The following HS1BP3 variants were observed in gnomAD, a reference collection of about 807,000 sequenced individuals.
HS1BP3 encodes HCLS1 binding protein 3, also known as HCLS1-binding protein 3.
A neutral mutation model predicts 33.5 loss-of-function variants in HS1BP3; 32 were observed. The observed-to-expected ratio is 0.95, with a 90% CI of 0.72 to 1.28. The LOEUF is 1.28. Among genes scored for constraint, HS1BP3 ranks in the 50% most tolerant of loss-of-function variants. The pLI is 0.00. For missense variants in HS1BP3, 486 were observed against 502.3 expected (o/e 0.97, Z 0.31); for synonymous variants, 187 against 209.2 (o/e 0.89, Z 0.92).
rs530775030 is a variant in HS1BP3 at position 20,636,328 on chromosome 2, C to G, written c.623+2108G>C. ...GAACACACACGGCTCTGGCCAAGAT[C>G]CTGCTCAACTCCTTCCTCGATTTTA... is the stretch of plus-strand genomic sequence containing the variant. On this transcript the variant is annotated intron_variant, in intron 4 of 6. Transcript: ENST00000304031. The G allele has an allele frequency of 1.1e-4, 17 of 152,494 alleles. No individual in the cohort carries two copies. The East Asian group carries it at 3.3e-3, about 29-fold the overall frequency. The allele number at this position is 152,494 out of a possible 1,614,324, so 9.4% of individuals were successfully genotyped here.
At chr2:20,607,194 C>T (rs1370612971) in intron 2 of HS1BP3, among the ~76,000 whole-genome samples, 2 of 150,158 alleles carry the variant, frequency 1.3e-5, no homozygotes, top group Non-Finnish European at 3.0e-5. Flanking sequence ...CTTGCTCCAT[C>T]GCCCAGGCTG....
intron 5 of HS1BP3, among the ~76,000 whole-genome samples, chr2:20,562,284 GC>G (rs1366351037): frequency 1.3e-5 from 2 of 152,090 alleles, no homozygotes; most frequent in African/African-American, 2.4e-5. Context: ...TTTGACACCA[GC>G]CTGGGCAACA....
chr2:20,641,271 G>T, intron 2 of HS1BP3, 91 bp from the exon 3 acceptor site: 1 of 1,193,030 alleles, frequency 8.4e-7, no homozygotes, highest in Non-Finnish European at 1.2e-6. Context: ...AGGCCCAGCA[G>T]CCAAAGGAAG....
intron 4 of HS1BP3, chr2:20,637,035 C>CT (rs1695157917): frequency 2.7e-4 from 7 of 26,050 alleles, no homozygotes; most frequent in South Asian, 8.1e-4. Flanking sequence ...GCTGCCCCCG[C>CT]CCCCCCCGCC....
chr2:20,632,691 T>C (rs1411356309), intron 4 of HS1BP3, among the ~76,000 whole-genome samples: 1 of 152,182 alleles, frequency 6.6e-6, no homozygotes, highest in Non-Finnish European at 1.5e-5. Flanking sequence ...AAGTGTGACC[T>C]CCCAGATTTC....
rs145820216 is a variant in HS1BP3 at position 20,569,503 on chromosome 2, T to G, written c.303-8988A>C. The stretch of plus-strand genomic sequence containing the variant: ...GAGTTTTAGATGAACAACAAATTCT[T>G]ATTTTAGTCTAAGTATTTCCCAGGC... On this transcript the variant is annotated intron_variant, in intron 5 of 5. Coordinates refer to the HS1BP3 transcript ENST00000446825. Among the ~76,000 whole-genome samples the G allele has an allele frequency of 7.0e-3, 1,068 of 152,344 alleles. 4 individuals are homozygous for G. Among genetic ancestry groups the G allele is most frequent in the Middle Eastern group, 0.017 (5 of 294 alleles).
chr2:20,606,514 T>A, intron 2 of HS1BP3: 1 of 466,608 alleles, frequency 2.1e-6, no homozygotes, highest in South Asian at 1.7e-5. Flanking sequence ...CAAACAAAAC[T>A]AAGTTATTGG....
At chr2:20,557,512 C>A (rs991136780), downstream of HS1BP3, among the ~76,000 whole-genome samples, 3 of 152,104 alleles carry the variant, frequency 2.0e-5, no homozygotes, top group African/African-American at 7.2e-5. Flanking sequence ...AATCTCTGAC[C>A]CTGATGAACT....
At position 20,602,871 on chromosome 2, in the gene HS1BP3, G is replaced by A. The variant is rs573557190; in HGVS notation, c.179-4606C>T. 3.9e-5 allele frequency among the ~76,000 whole-genome samples: 6 copies of A among 152,198 alleles called. No homozygotes were observed. In the East Asian group the frequency reaches 5.8e-4, roughly 15 times the overall value. Reference sequence around the variant, plus strand: ...CGGGAATACATAAGAAGCTCTTTTCGAAAACTCAATAATAAAAAGACAACA... The same window carrying A: ...CGGGAATACATAAGAAGCTCTTTTCAAAAACTCAATAATAAAAAGACAACA... On this transcript the variant is annotated intron_variant, in intron 2 of 3. Coordinates refer to the HS1BP3 transcript ENST00000415264.
intron 5 of HS1BP3, among the ~76,000 whole-genome samples, chr2:20,566,689 C>T (rs947433091): frequency 1.3e-5 from 2 of 151,570 alleles, no homozygotes; most frequent in Admixed American, 6.6e-5. Context: ...TCACTGCAAA[C>T]CCTGCCTCCT....
intron 5 of HS1BP3, among the ~76,000 whole-genome samples, chr2:20,582,362 T>C (rs998163403): frequency 1.3e-5 from 2 of 151,728 alleles, no homozygotes; most frequent in Non-Finnish European, 2.9e-5. Flanking sequence ...GGGACTGGTC[T>C]ACCGGAGGTG....
At chr2:20,644,947 C>G (rs1295553750) in intron 2 of HS1BP3, among the ~76,000 whole-genome samples, 1 of 152,202 alleles carries the variant, frequency 6.6e-6, no homozygotes, top group Non-Finnish European at 1.5e-5. Flanking sequence ...ACCTCCGTGC[C>G]TTTGCTTAGG....
At chr2:20,572,404 G>T (rs1693296052) in intron 5 of HS1BP3, among the ~76,000 whole-genome samples, 1 of 152,218 alleles carries the variant, frequency 6.6e-6, no homozygotes, top group Non-Finnish European at 1.5e-5. Context: ...CTGGAGTCCT[G>T]TCCCCGTACC....
At chr2:20,558,255 G>T (rs192444079), downstream of HS1BP3, among the ~76,000 whole-genome samples, 25 of 152,290 alleles carry the variant, frequency 1.6e-4, no homozygotes, top group African/African-American at 6.0e-4. Context: ...CAACGTTGAC[G>T]GTGGGTGGGG....
chr2:20,591,976 C>T (rs564849394), downstream of HS1BP3, among the ~76,000 whole-genome samples: 48 of 152,288 alleles, frequency 3.2e-4, 1 homozygote, highest in African/African-American at 1.1e-3. Flanking sequence ...TTCAACATCA[C>T]GTCCCATGGA....
At chr2:20,622,106 T>G in intron 6 of HS1BP3, 1 of 1,056,674 alleles carries the variant, frequency 9.5e-7, no homozygotes, top group Non-Finnish European at 1.2e-6. Context: ...CTCGACCCGC[T>G]CAGTGTACAC....
downstream of HS1BP3, among the ~76,000 whole-genome samples, chr2:20,589,448 C>G (rs1182692205): frequency 6.6e-6 from 1 of 152,028 alleles, no homozygotes; most frequent in African/African-American, 2.4e-5. Flanking sequence ...GAGCTCTGCT[C>G]CCCTGCATGC....
At chr2:20,637,097 T>C (rs575300340) in intron 4 of HS1BP3, 1 of 135,410 alleles carries the variant, frequency 7.4e-6, no homozygotes, top group East Asian at 2.4e-4. Flanking sequence ...AATCTGCTAA[T>C]GAAGTAAGTA....
chr2:20,567,020 C>T (rs1023555270), intron 5 of HS1BP3, among the ~76,000 whole-genome samples: 1 of 152,198 alleles, frequency 6.6e-6, no homozygotes, highest in East Asian at 1.9e-4. Flanking sequence ...TCAGAATCTC[C>T]TGACACCATG....
Sources: gnomAD v4.1 joint callset for allele counts (sites outside exome capture counted in the v4.1 genomes callset) on GRCh38, gnomAD v4.1.1 for gene constraint, MANE v1.5 for transcripts, NCBI Gene and HGNC (gene_info 2026-07-23, HGNC 2026-07-21) for gene names.